POU6F2: variants seen among roughly 807,000 people sequenced by gnomAD.
POU6F2 encodes the protein POU class 6 homeobox 2, also known as POU domain, class 6, transcription factor 2.
Under a neutral mutation model 71.3 loss-of-function variants are expected in POU6F2, and 31 were observed. The observed-to-expected ratio is 0.43, with a 90% confidence interval of 0.33 to 0.59. The LOEUF is 0.59. POU6F2 is among the 20% of genes least tolerant of loss of function. POU6F2 has a pLI of 0.04. For missense variants in POU6F2, 783 were observed against 856.8 expected, an observed-to-expected ratio of 0.91 and a Z score of 1.07; for synonymous variants, 347 against 355.7, an observed-to-expected ratio of 0.98 and a Z score of 0.27.
intron 2 of POU6F2, among the ~76,000 whole-genome samples, chr7:39,158,703 A>G (rs993307530): frequency 6.6e-6 from 1 of 152,138 alleles, no homozygotes. Context: ...TGTTCTATTC[A>G]GGCCCCCACC....
At chr7:39,145,090 C>G (rs1792589494) in intron 2 of POU6F2, among the ~76,000 whole-genome samples, 1 of 152,208 alleles carries the variant, frequency 6.6e-6, no homozygotes, top group Admixed American at 6.5e-5. Flanking sequence ...TCAGATTTCT[C>G]TCTCCACTTA....
chr7:39,462,442 A>G (rs1015644997), intron 9 of POU6F2, among the ~76,000 whole-genome samples: 3 of 152,192 alleles, frequency 2.0e-5, no homozygotes, highest in Admixed American at 1.3e-4. Flanking sequence ...CTTGTCCCTC[A>G]TGAGCTGCAG....
At chr7:39,433,864 G>T (rs1009237606) in intron 7 of POU6F2, among the ~76,000 whole-genome samples, 1 of 152,196 alleles carries the variant, frequency 6.6e-6, no homozygotes, top group African/African-American at 2.4e-5. Flanking sequence ...ACCTCATGGA[G>T]TGTCTGGTTA....
chr7:39,249,129 A>G (rs1300910017), intron 4 of POU6F2, among the ~76,000 whole-genome samples: 1 of 152,162 alleles, frequency 6.6e-6, no homozygotes, highest in African/African-American at 2.4e-5. Flanking sequence ...TAAAATCTTC[A>G]TTGCAACAGG....
In POU6F2 at chr7:39,261,711, A is replaced by G. The variant is rs953324320; in HGVS notation, c.598+54091A>G. 2.0e-5 allele frequency among the ~76,000 whole-genome samples: 3 copies of G among 152,144 alleles called. No individual in the cohort carries two copies. The East Asian group carries it at 5.8e-4, about 29-fold the overall frequency. On this transcript the variant is annotated intron_variant, in intron 4 of 9. Transcript: ENST00000518318. Reference sequence around the variant, plus strand: ...TTCCCATCTAAGAATGGCAAAATGGACCTCATAATTTCTAGGGCCCTTTTC... The same window carrying G: ...TTCCCATCTAAGAATGGCAAAATGGGCCTCATAATTTCTAGGGCCCTTTTC...
At chr7:39,069,001 C>T (rs988939447) in intron 1 of POU6F2, among the ~76,000 whole-genome samples, 2 of 152,096 alleles carry the variant, frequency 1.3e-5, no homozygotes, top group East Asian at 1.9e-4. Context: ...ACAGGACCTG[C>T]GGATCACACA....
Position 39,422,433 on chromosome 7 carries a change from A to G in POU6F2, c.1114-10644A>G, listed in dbSNP as rs551218873. Among the ~76,000 whole-genome samples the G allele has an allele frequency of 5.3e-5, 8 of 152,338 alleles. No individual in the cohort carries two copies. In the South Asian group the frequency reaches 1.0e-3, roughly 20 times the overall value. On this transcript the variant is annotated intron_variant, in intron 6 of 9. Coordinates refer to ENST00000518318, the MANE Select transcript of POU6F2 (RefSeq NM_001370959.1). Reference sequence around the variant, plus strand: ...GGAATTCATTTTTATGCGATATCTCATGTGCCCTTGTTATAAATAACTGTG... The same window carrying G: ...GGAATTCATTTTTATGCGATATCTCGTGTGCCCTTGTTATAAATAACTGTG...
chr7:38,998,022 A>T (rs1299484718), intron 1 of POU6F2, among the ~76,000 whole-genome samples: 1 of 152,196 alleles, frequency 6.6e-6, no homozygotes, highest in African/African-American at 2.4e-5. Flanking sequence ...GTCTCTAAGC[A>T]TAAGATCTTG....
chr7:39,337,120 A>G (rs1381093686), intron 4 of POU6F2, among the ~76,000 whole-genome samples: 1 of 152,208 alleles, frequency 6.6e-6, no homozygotes, highest in African/African-American at 2.4e-5. Flanking sequence ...TACAGCTAAT[A>G]TATAGAAACT....
At chr7:39,391,675 C>T (rs1409316658) in intron 5 of POU6F2, among the ~76,000 whole-genome samples, 3 of 152,188 alleles carry the variant, frequency 2.0e-5, no homozygotes, top group South Asian at 2.1e-4. Context: ...TCTTGCAAAG[C>T]GACAACCAAC....
At chr7:39,323,680 C>T (rs1337008439) in intron 4 of POU6F2, among the ~76,000 whole-genome samples, 9 of 152,218 alleles carry the variant, frequency 5.9e-5, no homozygotes, top group South Asian at 4.2e-4. Flanking sequence ...AAAATTAATA[C>T]GATAATCCTA....
At chr7:39,242,160 CA>C (rs1783738076) in intron 4 of POU6F2, among the ~76,000 whole-genome samples, 1 of 152,030 alleles carries the variant, frequency 6.6e-6, no homozygotes, top group Admixed American at 6.6e-5. Flanking sequence ...ATGATAAACC[CA>C]CTGTAAACGT....
chr7:38,993,304 G>C (rs1205270387), intron 1 of POU6F2, among the ~76,000 whole-genome samples: 2 of 151,944 alleles, frequency 1.3e-5, no homozygotes, highest in East Asian at 3.9e-4. Flanking sequence ...AAGGAATATA[G>C]GCAAAGGTAA....
chr7:39,052,380 C>T (rs1011652797), intron 1 of POU6F2, among the ~76,000 whole-genome samples: 5 of 152,088 alleles, frequency 3.3e-5, no homozygotes, highest in African/African-American at 9.7e-5. Context: ...ATTTAATTGA[C>T]TCACAGCTCT....
intron 4 of POU6F2, among the ~76,000 whole-genome samples, chr7:39,229,831 G>A (rs979276061): frequency 6.6e-6 from 1 of 152,144 alleles, no homozygotes; most frequent in Non-Finnish European, 1.5e-5. Context: ...GGGAGACAAG[G>A]GGAGATACTA....
chr7:39,339,765 C>G lies in POU6F2; in HGVS notation c.722C>G (p.Pro241Arg), dbSNP rs777830308. 43 of 1,587,632 alleles carry G rather than the reference C, an allele frequency of 2.7e-5. No homozygotes were observed. The highest frequency in any genetic ancestry group is 3.6e-5 in the Admixed American group (2 of 55,000). ...CACCCGCAACCAGCCCCACAGGCGC[C>G]CTCGCAGTCCCAGCAGCAGCCGCTG... ...NQHPQPAPQAPSQSQQQPLQP... is the reference protein window; with the variant it reads ...NQHPQPAPQARSQSQQQPLQP... The change falls in exon 5 of 10, where the codon CCC becomes CGC. Residue 241 changes from proline to arginine, a missense_variant. Around this residue, in one of 2 missense-constraint regions of POU6F2, gnomAD observed 572 missense variants for 572.9 expected, o/e 1.00. Transcript: ENST00000518318.
At chr7:39,044,269 A>T (rs568458113) in intron 1 of POU6F2, among the ~76,000 whole-genome samples, 34 of 152,042 alleles carry the variant, frequency 2.2e-4, no homozygotes, top group African/African-American at 7.0e-4. Flanking sequence ...CAGAGAAACT[A>T]AAAAATCCAA....
At chr7:39,281,852 A>G (rs922340070) in intron 4 of POU6F2, among the ~76,000 whole-genome samples, 1 of 152,098 alleles carries the variant, frequency 6.6e-6, no homozygotes, top group Non-Finnish European at 1.5e-5. Context: ...TGGTAGTGCT[A>G]TTTTTAATTT....
intron 2 of POU6F2, among the ~76,000 whole-genome samples, chr7:39,198,927 A>G (rs1262279429): frequency 6.6e-6 from 1 of 152,240 alleles, no homozygotes; most frequent in Non-Finnish European, 1.5e-5. Context: ...ATGAAATAAT[A>G]ATGCATCCAA....
Sources: allele counts gnomAD v4.1 joint callset (sites outside exome capture counted in the v4.1 genomes callset), GRCh38; gene constraint gnomAD v4.1.1; regional missense constraint gnomAD v4.1.1; transcripts MANE v1.5; gene names NCBI Gene and HGNC (gene_info 2026-07-23, HGNC 2026-07-21).